The following FUBP3 variants were observed in gnomAD, a reference collection of about 807,000 sequenced individuals.
FUBP3 encodes the protein far upstream element binding protein 3.
FUBP3 carries 28 observed loss-of-function variants against 85.6 expected under a neutral mutation model. That is an observed-to-expected ratio of 0.33 (90% CI 0.24 to 0.45). The LOEUF is 0.45. Ranked by LOEUF, FUBP3 falls within the 20% of genes least tolerant of loss-of-function variation. The pLI is 1.00. For synonymous variants in FUBP3, 271 were observed against 271.4 expected (o/e 1.00, Z 0.01); for missense variants, 583 against 755.1 (o/e 0.77, Z 2.67).
chr9:130,618,444 C>T (rs566231718), intron 8 of FUBP3, among the ~76,000 whole-genome samples: 3 of 152,342 alleles, frequency 2.0e-5, no homozygotes, highest in African/African-American at 4.8e-5. Context: ...GCCTGGGCAC[C>T]CTCAGAGCAA....
Position 130,632,298 on chromosome 9 carries a change from G to C in FUBP3, c.1510+20G>C. The stretch of plus-strand genomic sequence containing the variant: ...TCCCAAGTAAGTGACTCGGGGCGGG[G>C]AGTGCATGCCCTCCAGAAAGGTTGC... On this transcript the variant is annotated intron_variant, in intron 16 of 18. Coordinates refer to ENST00000319725, the MANE Select transcript of FUBP3 (RefSeq NM_003934.2). 1 of 1,583,020 alleles carries C rather than the reference G, an allele frequency of 6.3e-7. No individual in the cohort carries two copies. The highest frequency in any genetic ancestry group is 8.7e-7 in the Non-Finnish European group (1 of 1,153,950).
rs183918795 is a variant in FUBP3, at chr9:130,605,925, A to G, written c.191-4029A>G. Among the ~76,000 whole-genome samples the G allele has an allele frequency of 4.4e-3, 666 of 152,296 alleles. 8 individuals are homozygous for G. The highest frequency in any genetic ancestry group is 0.015 in the African/African-American group (627 of 41,562). ...CACGAACCCGGGAGGCGGAGGTTGC[A>G]GTGAGCCGAGATCGCGCCGCTGCAC... is the stretch of plus-strand genomic sequence containing the variant. On this transcript the variant is annotated intron_variant, in intron 2 of 18. Coordinates refer to ENST00000319725, the MANE Select transcript of FUBP3 (RefSeq NM_003934.2).
At chr9:130,583,748 G>A (rs1433790487) in intron 1 of FUBP3, among the ~76,000 whole-genome samples, 1 of 152,144 alleles carries the variant, frequency 6.6e-6, no homozygotes, top group South Asian at 2.1e-4. Flanking sequence ...ATGTCACTGA[G>A]TGTGTGTGCG....
chr9:130,596,165 A>G (rs1181108472), intron 2 of FUBP3, among the ~76,000 whole-genome samples: 2 of 152,186 alleles, frequency 1.3e-5, no homozygotes, highest in African/African-American at 2.4e-5. Flanking sequence ...AGAAGTGCCA[A>G]TCCCCAGCAC....
intron 8 of FUBP3, among the ~76,000 whole-genome samples, chr9:130,619,847 T>A (rs1829666627): frequency 6.6e-6 from 1 of 152,252 alleles, no homozygotes; most frequent in Non-Finnish European, 1.5e-5. Context: ...TTGTTGTTTG[T>A]TTAAAGCAAT....
chr9:130,630,299 T>A (rs1042284944), intron 12 of FUBP3, among the ~76,000 whole-genome samples: 3 of 152,130 alleles, frequency 2.0e-5, no homozygotes, highest in African/African-American at 7.2e-5. Context: ...AAGGGTGAGC[T>A]CCATGGTGTA....
intron 1 of FUBP3, among the ~76,000 whole-genome samples, chr9:130,593,485 T>C (rs1455071703): frequency 4.6e-5 from 7 of 152,198 alleles, no homozygotes; most frequent in Admixed American, 1.3e-4. Flanking sequence ...TTTCAAAAAC[T>C]ATGAAATATA....
rs1344854671 is a variant in FUBP3, at chr9:130,637,554, TTGTAA to T, written c.*535_*539del. 2 of 157,604 alleles carry T rather than the reference TTGTAA, an allele frequency of 1.3e-5. No homozygotes were observed. The highest frequency in any genetic ancestry group is 4.8e-5 in the African/African-American group (2 of 41,478). The allele number at this position is 157,604 out of a possible 1,614,324, so 9.8% of individuals were successfully genotyped here. On this transcript the variant is annotated 3_prime_UTR_variant, in exon 19 of 19. Transcript: ENST00000319725. ...TTTAAAAAAACTGAACTATTATGTA[TTGTAA>T]TGAATGATGTGAATTCTGAACTGAG...
At chr9:130,606,538 T>C (rs535315439) in intron 2 of FUBP3, among the ~76,000 whole-genome samples, 9 of 152,176 alleles carry the variant, frequency 5.9e-5, no homozygotes, top group Admixed American at 5.2e-4. Flanking sequence ...AAAGCTGATG[T>C]GGCCGGGCGC....
At chr9:130,606,725 T>C (rs73548000) in intron 2 of FUBP3, among the ~76,000 whole-genome samples, 31,959 of 151,516 alleles carry the variant, frequency 0.21, 5,397 homozygotes, top group African/African-American at 0.47. Context: ...GAAGCTGAGG[T>C]AGGAGAATCG....
At chr9:130,615,189 T>C (rs1482757896) in intron 6 of FUBP3, among the ~76,000 whole-genome samples, 1 of 152,224 alleles carries the variant, frequency 6.6e-6, no homozygotes, top group Non-Finnish European at 1.5e-5. Flanking sequence ...GGCAACTGGA[T>C]GGTTTGCTGG....
chr9:130,596,321 G>C (rs1438476588), intron 2 of FUBP3, among the ~76,000 whole-genome samples: 3 of 152,058 alleles, frequency 2.0e-5, no homozygotes, highest in Admixed American at 6.6e-5. Flanking sequence ...TGTCTTCTCT[G>C]TGTTCTTTTT....
At chr9:130,589,499 A>G (rs1830488788) in intron 1 of FUBP3, among the ~76,000 whole-genome samples, 1 of 150,598 alleles carries the variant, frequency 6.6e-6, no homozygotes, top group African/African-American at 2.4e-5. Flanking sequence ...ATGCACCACT[A>G]TGCCCAGCTA....
At chr9:130,590,745 G>A (rs1417415528) in intron 1 of FUBP3, among the ~76,000 whole-genome samples, 1 of 152,156 alleles carries the variant, frequency 6.6e-6, no homozygotes, top group Non-Finnish European at 1.5e-5. Context: ...TAAGTCCTTG[G>A]GAACTGAGAT....
intron 7 of FUBP3, among the ~76,000 whole-genome samples, chr9:130,617,428 C>T (rs1271052768): frequency 1.3e-5 from 2 of 152,086 alleles, no homozygotes; most frequent in Admixed American, 6.6e-5. Flanking sequence ...GACCTAGGGC[C>T]GTATGTGCTG....
Position 130,612,867 on chromosome 9 carries a change from G to T in FUBP3, c.275-89G>T. On this transcript the variant is annotated intron_variant, in intron 4 of 18. Transcript: ENST00000319725. The surrounding 1 kb of genome is among the most constrained non-coding windows in gnomAD (Gnocchi z 4.1). ...CGATGTGTAGTATTGTGAGCCAAGT[G>T]TCACAGTTTGTGGAATTAATTCAGT... 19 of 898,884 alleles carry T rather than the reference G, an allele frequency of 2.1e-5. 1 individual carries two copies. In the South Asian group the frequency reaches 2.3e-4, roughly 11 times the overall value. The allele number at this position is 898,884 out of a possible 1,614,324, so 55.7% of individuals were successfully genotyped here. A position where few individuals can be genotyped will look rare whatever the true frequency, so the allele number is the denominator to read the frequency against.
At chr9:130,592,164 G>A (rs1224474486) in intron 1 of FUBP3, among the ~76,000 whole-genome samples, 1 of 152,186 alleles carries the variant, frequency 6.6e-6, no homozygotes, top group South Asian at 2.1e-4. Context: ...CCCAGGAGAC[G>A]GAGGTTGCAG....
intron 12 of FUBP3, among the ~76,000 whole-genome samples, chr9:130,627,592 A>G (rs931546383): frequency 1.8e-4 from 27 of 152,112 alleles, no homozygotes; most frequent in Admixed American, 1.2e-3. Context: ...TGTCTTTTAG[A>G]CTGAACCACT....
chr9:130,622,696 C>G lies in FUBP3; in HGVS notation c.772-12C>G. The stretch of plus-strand genomic sequence containing the variant: ...GAAAAGTTCTGATGTGGTTTGGTTT[C>G]TCTGTGCCTAGGTATCTGTGCCTAG... On this transcript the variant is annotated splice_polypyrimidine_tract_variant and intron_variant, in intron 9 of 18. Transcript: ENST00000319725. The G allele has an allele frequency of 7.1e-7, 1 of 1,401,736 alleles. No individual in the cohort carries two copies. Among genetic ancestry groups the G allele is most frequent in the Non-Finnish European group, 9.9e-7 (1 of 1,009,130 alleles). The allele number at this position is 1,401,736 out of a possible 1,614,324, so 86.8% of individuals were successfully genotyped here.
Sources: allele counts gnomAD v4.1 joint callset (sites outside exome capture counted in the v4.1 genomes callset), GRCh38; gene constraint gnomAD v4.1.1; non-coding constraint Gnocchi (gnomAD v3.1); transcripts MANE v1.5; gene names NCBI Gene and HGNC (gene_info 2026-07-23, HGNC 2026-07-21).